PPP1R15B: variants seen among roughly 807,000 people sequenced by gnomAD.
PPP1R15B encodes the protein protein phosphatase 1, regulatory (inhibitor) subunit 15B.
A neutral mutation model predicts 53.9 loss-of-function variants in PPP1R15B; 31 were observed. The observed-to-expected ratio is 0.58, with a 90% CI of 0.43 to 0.78. PPP1R15B has a LOEUF of 0.78. PPP1R15B is among the 30% of genes least tolerant of loss of function. The pLI, the probability that PPP1R15B is intolerant of heterozygous loss-of-function variation, is 0.00. For synonymous variants in PPP1R15B, 345 were observed against 329.1 expected, an observed-to-expected ratio of 1.05 and a Z score of -0.52; for missense variants, 928 against 849.6, an observed-to-expected ratio of 1.09 and a Z score of -1.15.
Position 204,411,442 on chromosome 1 carries a change from G to A in PPP1R15B, c.-31C>T, listed in dbSNP as rs1185751526. 1.9e-6 allele frequency: 3 copies of A among 1,590,968 alleles called. No homozygotes were observed. In the African/African-American group the frequency reaches 4.0e-5, roughly 21 times the overall value. ...TTTTCTTGACAGTCTCTCAGGTAGG[G>A]CCGCGGCGCTCAGCGGCTGGAGGTC... On this transcript the variant is annotated 5_prime_UTR_variant, in exon 1 of 2. Coordinates refer to ENST00000367188, the MANE Select transcript of PPP1R15B (RefSeq NM_032833.5).
At chr1:204,399,499 C>T (rs931400677), downstream of PPP1R15B, among the ~76,000 whole-genome samples, 1 of 151,042 alleles carries the variant, frequency 6.6e-6, no homozygotes, top group African/African-American at 2.4e-5. Flanking sequence ...GGCGGAGGTT[C>T]AGCACCAAGA....
rs758782775 is a variant in PPP1R15B, at chr1:204,410,660, T to C, written c.752A>G (p.Gln251Arg). 6 of 1,614,004 alleles carry C rather than the reference T, an allele frequency of 3.7e-6. No homozygotes were observed. The East Asian group carries it at 1.3e-4, about 36-fold the overall frequency. The part of the protein sequence containing the change: ...SDGNSEVVGF[Q>R]TLTPESSCLR... ...GCAGCTGCTCTCTGGGGTTAGTGTC[T>C]GGAAGCCGACTACCTCGCTATTTCC... Residue 251 changes from glutamine to arginine, a missense_variant, in exon 1 of 2, where the codon CAG becomes CGG. Coordinates refer to ENST00000367188, the MANE Select transcript of PPP1R15B (RefSeq NM_032833.5).
chr1:204,405,475 T>C lies in PPP1R15B; in HGVS notation c.*617A>G. The stretch of plus-strand genomic sequence containing the variant: ...TGGAAATATCCTAGGTAGAACTTAA[T>C]GTAGAAATAAAAAGGCTACCACATA... On this transcript the variant is annotated 3_prime_UTR_variant, in exon 2 of 2. Coordinates refer to ENST00000367188, the MANE Select transcript of PPP1R15B (RefSeq NM_032833.5). The C allele has an allele frequency of 1.8e-5, 18 of 983,596 alleles. No individual in the cohort carries two copies. Among genetic ancestry groups the C allele is most frequent in the Non-Finnish European group, 2.2e-5 (18 of 828,484 alleles). The allele number at this position is 983,596 out of a possible 1,614,324, so 60.9% of individuals were successfully genotyped here. A position where few individuals can be genotyped will look rare whatever the true frequency, so the allele number is the denominator to read the frequency against.
In PPP1R15B at chr1:204,405,065, C is replaced by T. The variant is rs1338424666; in HGVS notation, c.*1027G>A. Reference sequence around the variant, plus strand: ...TCAAACGTGAAAATTCAGAACTGCCCATTTCCAATTTTACAGTGGGATCCT... The same window carrying T: ...TCAAACGTGAAAATTCAGAACTGCCTATTTCCAATTTTACAGTGGGATCCT... On this transcript the variant is annotated 3_prime_UTR_variant, in exon 2 of 2. Transcript: ENST00000367188. The T allele has an allele frequency of 1.0e-6, 1 of 985,640 alleles. No homozygotes were observed. The highest frequency in any genetic ancestry group is 1.1e-4 in the East Asian group (1 of 8,830). 61.1% of individuals were successfully genotyped at this position (985,640 alleles called of 1,614,324 possible).
At position 204,409,864 on chromosome 1, in the gene PPP1R15B, G is replaced by C; in HGVS notation, c.1548C>G (p.Gly516=). ...GGGAGGAATTCTCTAGATCAGACTT[G>C]CCAGACAAATCCTTCTCTGAATCAG... The part of the protein sequence containing the change: ...EPSDSEKDLS[G]KSDLENSSQS... Residue 516 remains glycine, a synonymous_variant, in exon 1 of 2, where the codon GGC becomes GGG. Transcript: ENST00000367188. The C allele has an allele frequency of 1.2e-6, 2 of 1,614,142 alleles. No homozygotes were observed. Among genetic ancestry groups the C allele is most frequent in the Non-Finnish European group, 1.7e-6 (2 of 1,180,026 alleles).
rs116328658 is a variant in PPP1R15B, at chr1:204,410,797, A to T, written c.615T>A (p.Ser205=). 25 of 1,614,236 alleles carry T rather than the reference A, an allele frequency of 1.5e-5. No individual in the cohort carries two copies. In the African/African-American group the frequency reaches 2.0e-4, roughly 13 times the overall value. The change falls in exon 1 of 2, where the codon TCT becomes TCA. Residue 205 remains serine (S), a synonymous_variant. Transcript: ENST00000367188. ...YSNRELGSSP[S]GPLNIQRIDN... ...CTATGCGTTGAATGTTTAGAGGCCCAGAGGGCGAAGAGCCAAGTTCCCGGT... is the reference window on the plus strand; with the variant it reads ...CTATGCGTTGAATGTTTAGAGGCCCTGAGGGCGAAGAGCCAAGTTCCCGGT...
At chr1:204,401,664 CAAT>C (rs1171158378), downstream of PPP1R15B, among the ~76,000 whole-genome samples, 1 of 152,162 alleles carries the variant, frequency 6.6e-6, no homozygotes, top group Admixed American at 6.6e-5. Flanking sequence ...CTCCAAATGA[CAAT>C]ATGCCAGAGA....
rs1486502113 is a variant in PPP1R15B, at chr1:204,409,509, G to T, written c.1903C>A (p.His635Asn). 6.2e-6 allele frequency: 10 copies of T among 1,610,114 alleles called. No homozygotes were observed. The highest frequency in any genetic ancestry group is 1.7e-4 in the Middle Eastern group (1 of 6,036). ...AAACAAACCTTTTTTCTTTTGACAT[G>T]TGTGTGTCTTCCTCCAGAAAGAACG... ...RDVLSGGRHT[H>N]VKRKKVTFLE... is the part of the protein sequence containing the mutation. The change falls in exon 1 of 2, where the codon CAT becomes AAT. Residue 635 changes from histidine (H) to asparagine (N), a missense_variant. By Grantham distance (68) the His-to-Asn change is moderately conservative. Transcript: ENST00000367188.
At chr1:204,408,478 G>T (rs955450421) in intron 1 of PPP1R15B, among the ~76,000 whole-genome samples, 3 of 152,206 alleles carry the variant, frequency 2.0e-5, no homozygotes, top group Non-Finnish European at 4.4e-5. Context: ...AGCTGGCCAT[G>T]TGGAGCCAAG....
chr1:204,408,430 T>C (rs1043607048), intron 1 of PPP1R15B, among the ~76,000 whole-genome samples: 1 of 152,240 alleles, frequency 6.6e-6, no homozygotes, highest in Non-Finnish European at 1.5e-5. Flanking sequence ...ATCACCATTT[T>C]GAGACATTTT....
chr1:204,399,976 C>T (rs115592637), downstream of PPP1R15B, among the ~76,000 whole-genome samples: 898 of 151,960 alleles, frequency 5.9e-3, 12 homozygotes, highest in African/African-American at 0.02. Flanking sequence ...CTGGACCTGA[C>T]GACTCATGCC....
chr1:204,397,825 A>G (rs778633049), downstream of PPP1R15B, among the ~76,000 whole-genome samples: 4 of 152,114 alleles, frequency 2.6e-5, no homozygotes, highest in Non-Finnish European at 5.9e-5. Context: ...TGGAAAGAGT[A>G]GTCATGACGA....
chr1:204,403,548 A>C lies in PPP1R15B; in HGVS notation c.*2544T>G. 2.0e-6 allele frequency: 2 copies of C among 979,514 alleles called. No homozygotes were observed. The highest frequency in any genetic ancestry group is 9.4e-5 in the South Asian group (2 of 21,190). 60.7% of individuals were successfully genotyped at this position (979,514 alleles called of 1,614,324 possible). On this transcript the variant is annotated 3_prime_UTR_variant, in exon 2 of 2. Coordinates refer to ENST00000367188, the MANE Select transcript of PPP1R15B (RefSeq NM_032833.5). ...CCCCTAACTTTACCTTCCTTAAATT[A>C]TACAAAAATAAAATCTGATAGTTTT...
Position 204,410,586 on chromosome 1 carries a change from G to A in PPP1R15B, c.826C>T (p.Pro276Ser), listed in dbSNP as rs1674351463. 6.2e-7 allele frequency: 1 copy of A among 1,613,840 alleles called. No individual in the cohort carries two copies. Among genetic ancestry groups the A allele is most frequent in the African/African-American group, 1.3e-5 (1 of 74,920 alleles). ...GGTGGACATCCCTGCCACGAGGCCGGAATGAGTTCTGCACTCAGCGGCTGG... is the reference window on the plus strand; with the variant it reads ...GGTGGACATCCCTGCCACGAGGCCGAAATGAGTTCTGCACTCAGCGGCTGG... ...HPQPLSAELIPASWQGCPPLS... is the reference protein window; with the variant it reads ...HPQPLSAELISASWQGCPPLS... The change falls in exon 1 of 2, where the codon CCG (proline) becomes TCG (serine). Residue 276 changes from proline (P) to serine (S), a missense_variant. Pro to Ser is a moderately conservative substitution (Grantham distance 74). Transcript: ENST00000367188.
chr1:204,403,844 T>G lies in PPP1R15B; in HGVS notation c.*2248A>C. On this transcript the variant is annotated 3_prime_UTR_variant, in exon 2 of 2. Transcript: ENST00000367188. The stretch of plus-strand genomic sequence containing the variant: ...TTAAAATAGTCCTTTCTGTCCTTCT[T>G]ATCACCTTCTGATCACTTCTTCCAA... 6.1e-6 allele frequency: 6 copies of G among 985,852 alleles called. No homozygotes were observed. The highest frequency in any genetic ancestry group is 7.2e-6 in the Non-Finnish European group (6 of 829,930). 61.1% of individuals were successfully genotyped at this position (985,852 alleles called of 1,614,324 possible).
intron 1 of PPP1R15B, among the ~76,000 whole-genome samples, chr1:204,408,301 A>C (rs1674300815): frequency 6.6e-6 from 1 of 151,562 alleles, no homozygotes; most frequent in Admixed American, 6.6e-5. Flanking sequence ...ATTCATTCTA[A>C]ATAGGTCATT....
downstream of PPP1R15B, among the ~76,000 whole-genome samples, chr1:204,397,607 G>C (rs1674114553): frequency 1.3e-5 from 2 of 152,128 alleles, no homozygotes; most frequent in Admixed American, 1.3e-4. Context: ...ATGTTAATTA[G>C]CTTGACTTAC....
rs1674384106 is a variant in PPP1R15B at position 204,411,700 on chromosome 1, T to TC, written c.-290dup. 1 of 495,150 alleles carries TC rather than the reference T, an allele frequency of 2.0e-6. No homozygotes were observed. Among genetic ancestry groups the TC allele is most frequent in the Non-Finnish European group, 3.6e-6 (1 of 277,576 alleles). The allele number at this position is 495,150 out of a possible 1,614,324, so 30.7% of individuals were successfully genotyped here. ...GACGCTTCAACACCATGGATAGGAG[T>TC]CCCCCCACGGCCTCGGCGATGGTTT... On this transcript the variant is annotated 5_prime_UTR_variant, in exon 1 of 2. Transcript: ENST00000367188.
chr1:204,410,241 G>A lies in PPP1R15B; in HGVS notation c.1171C>T (p.Pro391Ser). 1.2e-6 allele frequency: 2 copies of A among 1,614,104 alleles called. No homozygotes were observed. The highest frequency in any genetic ancestry group is 1.1e-5 in the South Asian group (1 of 91,084). ...PSEGCPSSEI[P>S]MEKEPGEGRI... ...CCCTCTCCAGGCTCCTTTTCCATAG[G>A]TATCTCACTAGATGGACAGCCCTCA... The change falls in exon 1 of 2, where the codon CCT becomes TCT. Residue 391 changes from proline (P) to serine (S), a missense_variant. Physicochemically the swap from Pro to Ser is moderately conservative, Grantham distance 74 (BLOSUM62 -1). Transcript: ENST00000367188.
Sources: allele counts gnomAD v4.1 joint callset (sites outside exome capture counted in the v4.1 genomes callset), GRCh38; gene constraint gnomAD v4.1.1; transcripts MANE v1.5; gene names NCBI Gene and HGNC (gene_info 2026-07-23, HGNC 2026-07-21).